Variants in KCNN2 observed in about 807,000 individuals in gnomAD.
KCNN2 encodes small conductance calcium-activated potassium channel protein 2.
A neutral mutation model predicts 55.5 loss-of-function variants in KCNN2; 24 were observed. That is an observed-to-expected ratio of 0.43 (90% CI 0.31 to 0.61). KCNN2 has a LOEUF of 0.61. Among genes scored for constraint, KCNN2 ranks in the 20% least tolerant of loss-of-function variants. KCNN2 has a pLI of 0.08. For missense variants in KCNN2, 754 were observed against 853.6 expected (o/e 0.88, Z 1.45); for synonymous variants, 431 against 336.1 (o/e 1.28, Z -3.09).
At chr5:114,067,804 A>G (rs549861975) in intron 1 of KCNN2, among the ~76,000 whole-genome samples, 30 of 152,356 alleles carry the variant, frequency 2.0e-4, no homozygotes, top group Non-Finnish European at 4.0e-4. Context: ...TAATTTGAGA[A>G]CAACTCTCTA....
chr5:114,279,832 G>A (rs1755583726), intron 2 of KCNN2, among the ~76,000 whole-genome samples: 1 of 152,020 alleles, frequency 6.6e-6, no homozygotes, highest in Non-Finnish European at 1.5e-5. Flanking sequence ...GGATGGCTGG[G>A]CCAAATGGTA....
At chr5:114,253,833 T>C (rs1352105735) in intron 2 of KCNN2, 1 of 152,218 alleles carries the variant, frequency 6.6e-6, no homozygotes, top group Non-Finnish European at 1.5e-5. Flanking sequence ...TTTATAATTA[T>C]TTTTCGAAAT....
In KCNN2 at chr5:114,362,175, C is replaced by A; in HGVS notation, c.36C>A (p.Phe12Leu). The stretch of plus-strand genomic sequence containing the variant: ...CATTGCAGTTCCAGCGCGGCTTCTT[C>A]CCAGAGCAGCCGCCGCCGCCGCCGC... ...ETPLQFQRGF[F>L]PEQPPPPPRS... The change falls in exon 1 of 8, where the codon TTC becomes TTA. Residue 12 changes from phenylalanine (F) to leucine (L), a missense_variant. By Grantham distance (22) the Phe-to-Leu change is conservative (BLOSUM62 0). Around this residue, in one of 4 missense-constraint regions of KCNN2, gnomAD observed 381 missense variants for 259.1 expected, o/e 1.47. Coordinates refer to ENST00000673685, the MANE Select transcript of KCNN2 (RefSeq NM_021614.4). 5.7e-6 allele frequency: 1 copy of A among 174,000 alleles called. No homozygotes were observed. The highest frequency in any genetic ancestry group is 1.4e-4 in the South Asian group (1 of 7,240). The allele number at this position is 174,000 out of a possible 1,614,324, so 10.8% of individuals were successfully genotyped here.
intron 1 of KCNN2, among the ~76,000 whole-genome samples, chr5:114,141,708 T>A (rs546982401): frequency 6.6e-6 from 1 of 152,348 alleles, no homozygotes; most frequent in South Asian, 2.1e-4. Flanking sequence ...TTCGCCACAC[T>A]GTCTTCCACA....
intron 1 of KCNN2, among the ~76,000 whole-genome samples, chr5:114,146,063 G>T (rs908387577): frequency 2.0e-5 from 3 of 152,078 alleles, no homozygotes; most frequent in African/African-American, 7.2e-5. Context: ...TTCACCTGGG[G>T]AAACACAAGC....
chr5:114,097,675 A>G (rs1031184286), intron 1 of KCNN2, among the ~76,000 whole-genome samples: 5 of 152,164 alleles, frequency 3.3e-5, no homozygotes, highest in African/African-American at 9.7e-5. Flanking sequence ...CAAAGCATAT[A>G]AAGTTCCCCA....
chr5:114,418,260 T>G (rs2150079050), intron 3 of KCNN2, among the ~76,000 whole-genome samples: 1 of 152,320 alleles, frequency 6.6e-6, no homozygotes, highest in South Asian at 2.1e-4. Context: ...AATTTAAAAT[T>G]TCTGTGATTC....
intron 3 of KCNN2, among the ~76,000 whole-genome samples, chr5:114,419,055 A>G (rs1376727511): frequency 6.6e-6 from 1 of 152,216 alleles, no homozygotes; most frequent in Non-Finnish European, 1.5e-5. Context: ...TTTGTATTAG[A>G]GATTTTACCT....
At chr5:114,296,587 G>C (rs1460282003) in intron 2 of KCNN2, among the ~76,000 whole-genome samples, 3 of 152,042 alleles carry the variant, frequency 2.0e-5, no homozygotes. Context: ...ACAAGAAATT[G>C]GGCTGAAGGC....
chr5:114,161,148 T>G (rs188788353), intron 1 of KCNN2, among the ~76,000 whole-genome samples: 4,698 of 152,258 alleles, frequency 0.031, 252 homozygotes, highest in African/African-American at 0.11. Flanking sequence ...GGTACTGGTT[T>G]TTCCTTTCCA....
intron 2 of KCNN2, among the ~76,000 whole-genome samples, chr5:114,368,558 A>G (rs1757671915): frequency 6.6e-6 from 1 of 152,220 alleles, no homozygotes; most frequent in Admixed American, 6.5e-5. Flanking sequence ...GAAGAAAGAC[A>G]GAGTGTTCCC....
At chr5:114,141,348 C>G (rs1479694472) in intron 1 of KCNN2, among the ~76,000 whole-genome samples, 1 of 152,002 alleles carries the variant, frequency 6.6e-6, no homozygotes, top group African/African-American at 2.4e-5. Flanking sequence ...TCTCATTGTT[C>G]AATTCCCACC....
intron 5 of KCNN2, chr5:114,486,764 A>G (rs947103267): frequency 3.0e-5 from 39 of 1,311,850 alleles, no homozygotes; most frequent in Non-Finnish European, 3.8e-5. Flanking sequence ...CTTGATTAAA[A>G]AAAAAAAATA....
chr5:114,469,110 G>C (rs1437964087), intron 4 of KCNN2, among the ~76,000 whole-genome samples: 2 of 152,138 alleles, frequency 1.3e-5, no homozygotes, highest in African/African-American at 2.4e-5. Flanking sequence ...GACTATCCAC[G>C]TGTTGGGATT....
chr5:114,106,381 C>G (rs953108367), intron 1 of KCNN2, among the ~76,000 whole-genome samples: 2 of 150,974 alleles, frequency 1.3e-5, no homozygotes, highest in Non-Finnish European at 3.0e-5. Flanking sequence ...GAATTGCTTG[C>G]TTATAGGATT....
rs568844079 is a variant in KCNN2 at position 114,110,408 on chromosome 5, G to A, written c.-271+53908G>A. 2.6e-5 allele frequency among the ~76,000 whole-genome samples: 4 copies of A among 152,120 alleles called. No homozygotes were observed. The South Asian group carries it at 6.2e-4, about 24-fold the overall frequency. On this transcript the variant is annotated intron_variant, in intron 1 of 10. Coordinates refer to the KCNN2 transcript ENST00000512097. ...CCAGCTCAGGTGAATCCTGGAGAAC[G>A]TGGGGCTCATAAATTCATAAATTTC...
rs181404144 is a variant in KCNN2, at chr5:114,470,687, C to T, written c.1780-2367C>T. Among the ~76,000 whole-genome samples, 51 of 152,330 alleles carry T rather than the reference C, an allele frequency of 3.3e-4. 1 individual carries two copies. In the East Asian group the frequency reaches 5.8e-3, roughly 17 times the overall value. On this transcript the variant is annotated intron_variant, in intron 4 of 7. Transcript: ENST00000673685. ...CACAAAATATCAAAATAACATCACA[C>T]CCTCTGCCTTTACTTTCCTTGTTTA... is the stretch of plus-strand genomic sequence containing the variant.
chr5:114,103,594 A>C (rs1243275574), intron 1 of KCNN2, among the ~76,000 whole-genome samples: 1 of 151,880 alleles, frequency 6.6e-6, no homozygotes, highest in African/African-American at 2.4e-5. Flanking sequence ...TTTGAGGTAC[A>C]TTTTATCAAT....
chr5:114,488,170 A>C (rs1336439926), intron 6 of KCNN2, among the ~76,000 whole-genome samples: 1 of 152,206 alleles, frequency 6.6e-6, no homozygotes, highest in Non-Finnish European at 1.5e-5. Context: ...TGCCCTGCTT[A>C]AATAGATATC....
Sources: allele counts gnomAD v4.1 joint callset (sites outside exome capture counted in the v4.1 genomes callset), GRCh38; gene constraint gnomAD v4.1.1; regional missense constraint gnomAD v4.1.1; transcripts MANE v1.5; gene names NCBI Gene and HGNC (gene_info 2026-07-23, HGNC 2026-07-21).